CSMD1: variants seen among roughly 807,000 people sequenced by gnomAD.
CSMD1 encodes the protein CUB and Sushi multiple domains 1.
CSMD1 carries 213 observed loss-of-function variants against 417.5 expected under a neutral mutation model. The ratio of observed to expected loss-of-function variants is 0.51; its 90% CI spans 0.46 to 0.57. The LOEUF is 0.57. Ranked by LOEUF, CSMD1 falls within the 20% of genes least tolerant of loss-of-function variation. The probability of loss-of-function intolerance (pLI) is 0.00; values close to 1 mark genes in which losing one functional copy is unlikely to be tolerated. For synonymous variants in CSMD1, 2,862 were observed against 1,736.8 expected (o/e 1.65, Z -16.11); for missense variants, 6,923 against 4,529.7 (o/e 1.53, Z -15.17).
intron 2 of CSMD1, among the ~76,000 whole-genome samples, chr8:4,600,907 T>A (rs902704839): frequency 3.0e-4 from 45 of 152,086 alleles, no homozygotes; most frequent in African/African-American, 1.1e-3. Flanking sequence ...CTAAGAAAAA[T>A]ATTAAAGTAA....
rs1371282107 is a variant in CSMD1 at position 4,951,443 on chromosome 8, G to GGGAAGGAAGGAAGGAAAGAA, written c.85+42869_85+42888dup. Among the ~76,000 whole-genome samples the GGGAAGGAAGGAAGGAAAGAA allele has an allele frequency of 3.4e-5, 5 of 145,946 alleles. No individual in the cohort carries two copies. In the East Asian group the frequency reaches 1.0e-3, roughly 29 times the overall value. On this transcript the variant is annotated intron_variant, in intron 1 of 69. Coordinates refer to ENST00000635120, the MANE Select transcript of CSMD1 (RefSeq NM_033225.6). Reference sequence around the variant, plus strand: ...AAAAAAAAAGAAAAAGAAAGAAAGAGGGAAGGAAGGAAGGAAAGAAGGAAG... The same window carrying GGGAAGGAAGGAAGGAAAGAA: ...AAAAAAAAAGAAAAAGAAAGAAAGAGGGAAGGAAGGAAGGAAAGAAGGAAGGAAGGAAGGAAAGAAGGAAG...
chr8:3,944,867 T>G (rs1020821384), intron 5 of CSMD1, among the ~76,000 whole-genome samples: 4 of 152,182 alleles, frequency 2.6e-5, no homozygotes, highest in Admixed American at 6.6e-5. Context: ...GCTCTGACAG[T>G]TGATTCTGGG....
chr8:3,322,392 T>C (rs60534405), intron 23 of CSMD1, among the ~76,000 whole-genome samples: 7,031 of 152,296 alleles, frequency 0.046, 360 homozygotes, highest in East Asian at 0.21. Flanking sequence ...AATTTCTTAG[T>C]ATTTCCTTCA....
chr8:4,957,016 G>T (rs1585405449), intron 1 of CSMD1, among the ~76,000 whole-genome samples: 2 of 152,190 alleles, frequency 1.3e-5, no homozygotes, highest in African/African-American at 2.4e-5. Flanking sequence ...CCTAAGTCTA[G>T]CTAGAAATGT....
At chr8:3,684,976 A>G (rs1343987764) in intron 7 of CSMD1, among the ~76,000 whole-genome samples, 1 of 152,198 alleles carries the variant, frequency 6.6e-6, no homozygotes, top group Non-Finnish European at 1.5e-5. Context: ...GTGGTAGGAA[A>G]GTCAATACGG....
chr8:4,132,682 C>T (rs775880855), intron 3 of CSMD1, among the ~76,000 whole-genome samples: 3 of 152,124 alleles, frequency 2.0e-5, no homozygotes, highest in Non-Finnish European at 4.4e-5. Context: ...TGATGAGCCT[C>T]GCAACTCAAT....
At position 4,133,194 on chromosome 8, in the gene CSMD1, C is replaced by G. The variant is rs150997974; in HGVS notation, c.416-101095G>C. On this transcript the variant is annotated intron_variant, in intron 3 of 69. Transcript: ENST00000635120. ...CTTGTGATCTGCCCACCTCATCCTC[C>G]CAAAGTGCTGGGATTACAGACATGA... Among the ~76,000 whole-genome samples the G allele has an allele frequency of 5.9e-5, 9 of 152,190 alleles. No homozygotes were observed. In the East Asian group the frequency reaches 1.7e-3, roughly 29 times the overall value.
At position 4,266,525 on chromosome 8, in the gene CSMD1, A is replaced by T. The variant is rs555582550; in HGVS notation, c.415+153428T>A. Among the ~76,000 whole-genome samples the T allele has an allele frequency of 5.0e-3, 522 of 104,932 alleles. 75 individuals carry two copies. Among genetic ancestry groups the T allele is most frequent in the African/African-American group, 0.013 (500 of 38,502 alleles). The allele number at this position is 104,932 out of a possible 152,430, so 68.8% of individuals were successfully genotyped here. On this transcript the variant is annotated intron_variant, in intron 3 of 69. Transcript: ENST00000635120. Reference sequence around the variant, plus strand: ...TCACTAAATTTTAAAAAGTAGAACAATTTCATACTCATGCCTCATATCCTT... The same window carrying T: ...TCACTAAATTTTAAAAAGTAGAACATTTTCATACTCATGCCTCATATCCTT...
Position 4,530,726 on chromosome 8 carries a change from T to G in CSMD1, c.302+106616A>C, listed in dbSNP as rs557495297. 5.3e-5 allele frequency among the ~76,000 whole-genome samples: 8 copies of G among 151,454 alleles called. No homozygotes were observed. The East Asian group carries it at 1.6e-3, about 29-fold the overall frequency. On this transcript the variant is annotated intron_variant, in intron 2 of 69. Coordinates refer to ENST00000635120, the MANE Select transcript of CSMD1 (RefSeq NM_033225.6). ...TTCCATGGTGTATATGTGCCACATT[T>G]TCTTTATCTAGTATATCACTGATGG... is the stretch of plus-strand genomic sequence containing the variant.
intron 5 of CSMD1, among the ~76,000 whole-genome samples, chr8:3,813,340 G>A (rs766425214): frequency 1.3e-5 from 2 of 152,134 alleles, no homozygotes; most frequent in Non-Finnish European, 2.9e-5. Flanking sequence ...TATACTGCAA[G>A]TAAATTTGAT....
At chr8:3,640,139 G>A (rs1157759848) in intron 7 of CSMD1, among the ~76,000 whole-genome samples, 4 of 152,130 alleles carry the variant, frequency 2.6e-5, no homozygotes, top group African/African-American at 9.7e-5. Context: ...ACTTTTTCTT[G>A]CGTAAGACTT....
chr8:4,256,964 G>A (rs190557393), intron 3 of CSMD1, among the ~76,000 whole-genome samples: 3 of 152,142 alleles, frequency 2.0e-5, no homozygotes, highest in African/African-American at 7.2e-5. Context: ...CTAATCACAG[G>A]CTGGAGGTAT....
chr8:3,582,123 T>C (rs1443411920), intron 9 of CSMD1, among the ~76,000 whole-genome samples: 1 of 152,182 alleles, frequency 6.6e-6, no homozygotes, highest in Non-Finnish European at 1.5e-5. Context: ...CTATTTTTTG[T>C]GGTAATGGAA....
intron 2 of CSMD1, among the ~76,000 whole-genome samples, chr8:4,441,473 G>T (rs980044764): frequency 6.6e-6 from 1 of 151,718 alleles, no homozygotes; most frequent in East Asian, 1.9e-4. Flanking sequence ...GTTTTATTAG[G>T]AGTTAGACAT....
intron 2 of CSMD1, among the ~76,000 whole-genome samples, chr8:4,564,243 A>T: frequency 6.6e-6 from 1 of 152,236 alleles, no homozygotes; most frequent in East Asian, 1.9e-4. Flanking sequence ...CAAGCACAAT[A>T]TCCTTACAGA....
chr8:3,296,318 A>T (rs1311620052), intron 25 of CSMD1, among the ~76,000 whole-genome samples: 5 of 151,808 alleles, frequency 3.3e-5, no homozygotes, highest in African/African-American at 1.2e-4. Context: ...TACCGTCCGC[A>T]TTTGAGGACA....
At chr8:4,054,434 T>A (rs901169931) in intron 3 of CSMD1, among the ~76,000 whole-genome samples, 1 of 152,092 alleles carries the variant, frequency 6.6e-6, no homozygotes, top group Non-Finnish European at 1.5e-5. Flanking sequence ...CCTAAACTCT[T>A]GTATGGGAGA....
chr8:4,424,278 C>G (rs1334764388), intron 2 of CSMD1, among the ~76,000 whole-genome samples: 2 of 151,976 alleles, frequency 1.3e-5, no homozygotes, highest in Admixed American at 1.3e-4. Flanking sequence ...AAAACACATT[C>G]GCAAGCCAAA....
At chr8:4,270,838 C>T (rs1180324406) in intron 3 of CSMD1, among the ~76,000 whole-genome samples, 1 of 152,166 alleles carries the variant, frequency 6.6e-6, no homozygotes. Context: ...TCCGTGACTT[C>T]CCCACTTACT....
Sources: allele counts gnomAD v4.1 joint callset (sites outside exome capture counted in the v4.1 genomes callset), GRCh38; gene constraint gnomAD v4.1.1; transcripts MANE v1.5; gene names NCBI Gene and HGNC (gene_info 2026-07-23, HGNC 2026-07-21).